Variants in CNTNAP5 observed in about 807,000 individuals in gnomAD.
CNTNAP5 encodes contactin associated protein family member 5, also known as contactin-associated protein-like 5.
Under a neutral mutation model 150.2 loss-of-function variants are expected in CNTNAP5, and 72 were observed. That is an observed-to-expected ratio of 0.48 (90% confidence interval 0.40 to 0.58). The LOEUF is 0.58. Among genes scored for constraint, CNTNAP5 ranks in the 20% least tolerant of loss-of-function variants. The probability of loss-of-function intolerance (pLI) is 0.00; values close to 1 mark genes in which losing one functional copy is unlikely to be tolerated. For synonymous variants in CNTNAP5, 672 were observed against 619.8 expected (o/e 1.08, Z -1.25); for missense variants, 1,636 against 1,626.2 (o/e 1.01, Z -0.10).
intron 4 of CNTNAP5, among the ~76,000 whole-genome samples, chr2:124,429,407 T>A (rs1692317621): frequency 6.6e-6 from 1 of 152,208 alleles, no homozygotes; most frequent in Non-Finnish European, 1.5e-5. Flanking sequence ...ATAAAAAGCA[T>A]TAACTATATT....
chr2:124,840,813 G>C (rs1334623681), intron 19 of CNTNAP5, among the ~76,000 whole-genome samples: 1 of 152,216 alleles, frequency 6.6e-6, no homozygotes, highest in African/African-American at 2.4e-5. Context: ...TTATGAAAGT[G>C]CCTGGAGCCA....
Position 124,311,024 on chromosome 2 carries a change from G to C in CNTNAP5, c.381+68631G>C, listed in dbSNP as rs552171521. On this transcript the variant is annotated intron_variant, in intron 3 of 23. Coordinates refer to ENST00000682447, the MANE Select transcript of CNTNAP5 (RefSeq NM_001367498.1). ...ACTCAGTATATATTCCTGGTAGTGA[G>C]AGAAGCACTCCAGTACTATTGGGTT... is the stretch of plus-strand genomic sequence containing the variant. Among the ~76,000 whole-genome samples, 6 of 152,260 alleles carry C rather than the reference G, an allele frequency of 3.9e-5. No homozygotes were observed. In the South Asian group the frequency reaches 8.3e-4, roughly 21 times the overall value.
At chr2:124,628,775 G>T (rs574193063) in intron 12 of CNTNAP5, among the ~76,000 whole-genome samples, 1 of 152,148 alleles carries the variant, frequency 6.6e-6, no homozygotes, top group African/African-American at 2.4e-5. Flanking sequence ...TGGAAACCTG[G>T]GTACTAAGAC....
intron 2 of CNTNAP5, among the ~76,000 whole-genome samples, chr2:124,236,968 A>C (rs1439394824): frequency 3.3e-5 from 5 of 152,086 alleles, no homozygotes; most frequent in Non-Finnish European, 7.4e-5. Flanking sequence ...TCTCTACTAA[A>C]AGTACAAAAA....
chr2:124,813,299 G>A (rs759211194), intron 19 of CNTNAP5, among the ~76,000 whole-genome samples: 2 of 151,612 alleles, frequency 1.3e-5, no homozygotes, highest in South Asian at 2.1e-4. Context: ...GGATGGTCTC[G>A]ATCTCCTGAC....
chr2:124,824,055 T>A (rs1682543423), intron 19 of CNTNAP5, among the ~76,000 whole-genome samples: 1 of 151,886 alleles, frequency 6.6e-6, no homozygotes, highest in Non-Finnish European at 1.5e-5. Flanking sequence ...GTAGCTGGGA[T>A]TACAGATGCA....
intron 3 of CNTNAP5, among the ~76,000 whole-genome samples, chr2:124,362,221 G>C (rs1690230460): frequency 6.6e-6 from 1 of 152,240 alleles, no homozygotes; most frequent in Non-Finnish European, 1.5e-5. Context: ...GCACTCCCTA[G>C]TGAGATGAAC....
At chr2:124,122,397 A>G (rs1165068108) in intron 1 of CNTNAP5, among the ~76,000 whole-genome samples, 2 of 152,170 alleles carry the variant, frequency 1.3e-5, no homozygotes, top group Non-Finnish European at 2.9e-5. Flanking sequence ...AATTGTTTCT[A>G]TTTATCAGAC....
intron 13 of CNTNAP5, among the ~76,000 whole-genome samples, chr2:124,692,802 T>C (rs1020783300): frequency 6.6e-6 from 1 of 152,042 alleles, no homozygotes; most frequent in African/African-American, 2.4e-5. Flanking sequence ...TCTTCCCTCA[T>C]TACCAAAAGA....
chr2:124,096,721 A>T (rs34667263), intron 1 of CNTNAP5, among the ~76,000 whole-genome samples: 1 of 151,692 alleles, frequency 6.6e-6, no homozygotes, highest in Admixed American at 6.6e-5. Context: ...TATTTATTAT[A>T]GAGACAGAGT....
chr2:124,358,193 G>A (rs1690077903), intron 3 of CNTNAP5, among the ~76,000 whole-genome samples: 1 of 152,142 alleles, frequency 6.6e-6, no homozygotes. Flanking sequence ...TCAGCTTAAG[G>A]AGATTTTGGG....
chr2:124,292,380 C>T (rs1043556411), intron 3 of CNTNAP5, among the ~76,000 whole-genome samples: 14 of 151,960 alleles, frequency 9.2e-5, no homozygotes, highest in African/African-American at 3.4e-4. Context: ...GAAGATTATT[C>T]CTACAAAAGC....
At chr2:124,366,465 G>T (rs1188479007) in intron 3 of CNTNAP5, among the ~76,000 whole-genome samples, 1 of 152,172 alleles carries the variant, frequency 6.6e-6, no homozygotes, top group Non-Finnish European at 1.5e-5. Flanking sequence ...GACTAGCAGT[G>T]GCCACCAAGG....
In CNTNAP5 at chr2:124,113,506, A is replaced by ATGTGTGTG. The variant is rs138877401; in HGVS notation, c.82+87800_82+87807dup. 9.8e-3 allele frequency among the ~76,000 whole-genome samples: 1,406 copies of ATGTGTGTG among 142,870 alleles called. 9 individuals carry two copies. The highest frequency in any genetic ancestry group is 0.013 in the Non-Finnish European group (845 of 65,324). The allele number at this position is 142,870 out of a possible 152,430, so 93.7% of individuals were successfully genotyped here. A position where few individuals can be genotyped will look rare whatever the true frequency, so the allele number is the denominator to read the frequency against. ...ATATCTATTCAACTGATACATATATATGTGTGTGTGTGTGTGTGTGTGTGT... is the reference window on the plus strand; with the variant it reads ...ATATCTATTCAACTGATACATATATATGTGTGTGTGTGTGTGTGTGTGTGTGTGTGTGT... On this transcript the variant is annotated intron_variant, in intron 1 of 23. Coordinates refer to ENST00000682447, the MANE Select transcript of CNTNAP5 (RefSeq NM_001367498.1).
chr2:124,026,712 C>T (rs1680900818), intron 1 of CNTNAP5, among the ~76,000 whole-genome samples: 1 of 152,184 alleles, frequency 6.6e-6, no homozygotes, highest in African/African-American at 2.4e-5. Flanking sequence ...GGGCTTGCTC[C>T]CATATCCCTT....
chr2:124,470,894 T>C (rs577537948), intron 6 of CNTNAP5, among the ~76,000 whole-genome samples: 1 of 152,276 alleles, frequency 6.6e-6, no homozygotes, highest in African/African-American at 2.4e-5. Context: ...GTGGTCTTAC[T>C]TCTGGACTCT....
chr2:124,616,445 G>T (rs1157764004), intron 12 of CNTNAP5, among the ~76,000 whole-genome samples: 1 of 152,174 alleles, frequency 6.6e-6, no homozygotes, highest in African/African-American at 2.4e-5. Context: ...TTAGGGCCTT[G>T]CTCTGGGTTA....
At chr2:124,152,409 A>G (rs754205362) in intron 1 of CNTNAP5, among the ~76,000 whole-genome samples, 1 of 152,244 alleles carries the variant, frequency 6.6e-6, no homozygotes, top group African/African-American at 2.4e-5. Context: ...CAAGCAGGTT[A>G]TGCAAGTAGC....
intron 13 of CNTNAP5, among the ~76,000 whole-genome samples, chr2:124,652,749 C>A (rs1049162921): frequency 6.6e-6 from 1 of 152,082 alleles, no homozygotes. Flanking sequence ...CTCCATGGTG[C>A]CTTGAAAGTC....
Sources: gnomAD v4.1 joint callset for allele counts (sites outside exome capture counted in the v4.1 genomes callset) on GRCh38, gnomAD v4.1.1 for gene constraint, MANE v1.5 for transcripts, NCBI Gene and HGNC (gene_info 2026-07-23, HGNC 2026-07-21) for gene names.